The following MTHFD1 variants were observed in gnomAD, a reference collection of about 807,000 sequenced individuals.
The protein encoded by MTHFD1 is methylenetetrahydrofolate dehydrogenase, cyclohydrolase and formyltetrahydrofolate synthetase 1, also known as C-1-tetrahydrofolate synthase, cytoplasmic.
Under a neutral mutation model 110.3 loss-of-function variants are expected in MTHFD1, and 44 were observed. The observed-to-expected ratio is 0.40, with a 90% CI of 0.31 to 0.51. The LOEUF (loss-of-function observed/expected upper bound fraction) is 0.51, where lower values mean the gene tolerates loss of function less well. MTHFD1 is among the 20% of genes least tolerant of loss of function. MTHFD1 has a pLI of 0.60. For synonymous variants in MTHFD1, 402 were observed against 428.8 expected, an observed-to-expected ratio of 0.94 and a Z score of 0.77; for missense variants, 909 against 1,173.1, an observed-to-expected ratio of 0.77 and a Z score of 3.29.
At chr14:64,400,659 A>T (rs1171141281) in intron 1 of MTHFD1, 134 bp from the exon 2 acceptor site, 1 of 695,392 alleles carries the variant, frequency 1.4e-6, no homozygotes, top group Non-Finnish European at 2.6e-6. Context: ...CTGTACTCCC[A>T]GCCTGGGTGA....
intron 23 of MTHFD1, 151 bp downstream of exon 23, chr14:64,448,468 G>A (rs530149745): frequency 1.1e-4 from 74 of 697,064 alleles, no homozygotes; most frequent in African/African-American, 8.8e-4. Context: ...CATTGCATAC[G>A]TCACTGCGGG....
Position 64,424,865 on chromosome 14 carries a change from G to A in MTHFD1, c.789G>A (p.Glu263=). ...ATGTGGCATACGACGAGGCCAAAGA[G>A]AGGGCGAGCTTCATCACTCCTGTTC... ...VGDVAYDEAK[E]RASFITPVPG... is the part of the protein sequence containing the mutation. Residue 263 remains glutamate, a synonymous_variant, in exon 9 of 28, where the codon GAG becomes GAA. Transcript: ENST00000652337. The A allele has an allele frequency of 6.2e-7, 1 of 1,614,248 alleles. No homozygotes were observed. The highest frequency in any genetic ancestry group is 8.5e-7 in the Non-Finnish European group (1 of 1,180,052).
chr14:64,396,558 A>ATTT (rs71123843), intron 1 of MTHFD1, among the ~76,000 whole-genome samples: 6 of 126,802 alleles, frequency 4.7e-5, no homozygotes, highest in Non-Finnish European at 8.3e-5. Context: ...CTCCCAGTTA[A>ATTT]TTTTTTTTTT....
At chr14:64,459,555 A>G (rs1362171681) in intron 27 of MTHFD1, among the ~76,000 whole-genome samples, 1 of 152,214 alleles carries the variant, frequency 6.6e-6, no homozygotes, top group African/African-American at 2.4e-5. Context: ...CTGGTCTTGA[A>G]CAGTATTCAC....
chr14:64,444,205 T>A (rs537742969), intron 21 of MTHFD1, among the ~76,000 whole-genome samples: 32 of 152,258 alleles, frequency 2.1e-4, no homozygotes, highest in Non-Finnish European at 4.0e-4. Flanking sequence ...TTTTCCCTCT[T>A]GTTTGTATTG....
At chr14:64,420,077 G>C (rs762517156) in intron 8 of MTHFD1, 152 bp downstream of exon 8, 4 of 714,726 alleles carry the variant, frequency 5.6e-6, no homozygotes, top group Non-Finnish European at 1.0e-5. Context: ...AGAGTTAGTA[G>C]ATAGAAGAGT....
chr14:64,429,261 A>AACATATATATATGTATATATATATATAT lies in MTHFD1; in HGVS notation c.1265-922_1265-921insCATATATATATGTATATATATATATATA, dbSNP rs11158541. On this transcript the variant is annotated intron_variant, in intron 12 of 27. Transcript: ENST00000652337. Reference sequence around the variant, plus strand: ...GACAGTATGAGACTCTGTCTAAAAAAATATATATCTGATTTACATTTATTG... The same window carrying AACATATATATATGTATATATATATATAT: ...GACAGTATGAGACTCTGTCTAAAAAAACATATATATATGTATATATATATATATATATATATCTGATTTACATTTATTG... Among the ~76,000 whole-genome samples the AACATATATATATGTATATATATATATAT allele has an allele frequency of 1.8e-4, 20 of 108,216 alleles. 3 individuals carry two copies. Among genetic ancestry groups the AACATATATATATGTATATATATATATAT allele is most frequent in the South Asian group, 2.8e-4 (1 of 3,538 alleles). 71.0% of individuals were successfully genotyped at this position (108,216 alleles called of 152,430 possible).
intron 25 of MTHFD1, among the ~76,000 whole-genome samples, chr14:64,454,186 C>T (rs2078425714): frequency 6.6e-6 from 1 of 152,230 alleles, no homozygotes; most frequent in Non-Finnish European, 1.5e-5. Flanking sequence ...AATTTCAGCT[C>T]ACTGCAGCCT....
chr14:64,420,477 C>A (rs551181086), intron 8 of MTHFD1, among the ~76,000 whole-genome samples: 2 of 152,288 alleles, frequency 1.3e-5, no homozygotes, highest in African/African-American at 4.8e-5. Context: ...CACCATTCTT[C>A]CTTCCCGCAA....
At chr14:64,457,028 CG>C (rs2140991976) in intron 26 of MTHFD1, among the ~76,000 whole-genome samples, 1 of 152,184 alleles carries the variant, frequency 6.6e-6, no homozygotes, top group East Asian at 1.9e-4. Context: ...TTGTCAAAGC[CG>C]AGTCTTTAGA....
chr14:64,413,413 G>GT (rs2078000771), intron 4 of MTHFD1, among the ~76,000 whole-genome samples: 1 of 152,118 alleles, frequency 6.6e-6, no homozygotes, highest in Non-Finnish European at 1.5e-5. Context: ...AACCAAATAT[G>GT]TATTCCTTTT....
rs1457535118 is a variant in MTHFD1, at chr14:64,417,469, T to C, written c.479-419T>C. On this transcript the variant is annotated intron_variant, in intron 6 of 27. Transcript: ENST00000652337. This position sits in a 1 kb window ranked among gnomAD's most constrained non-coding sequence, Gnocchi z 4.4. Reference sequence around the variant, plus strand: ...TACCAAAGTTAGAAGGAATTACCGATACTAATCTAATTTCTTACACATCTC... The same window carrying C: ...TACCAAAGTTAGAAGGAATTACCGACACTAATCTAATTTCTTACACATCTC... Among the ~76,000 whole-genome samples the C allele has an allele frequency of 6.6e-6, 1 of 152,262 alleles. No homozygotes were observed. Among genetic ancestry groups the C allele is most frequent in the Non-Finnish European group, 1.5e-5 (1 of 68,046 alleles).
chr14:64,442,218 A>G, intron 20 of MTHFD1, 45 bp from the exon 21 acceptor site: 1 of 1,614,158 alleles, frequency 6.2e-7, no homozygotes, highest in South Asian at 1.1e-5. Flanking sequence ...TTTTAACATC[A>G]GGGGAATTGG....
chr14:64,410,407 T>TGG (rs34498014), intron 2 of MTHFD1, among the ~76,000 whole-genome samples: 357 of 148,820 alleles, frequency 2.4e-3, no homozygotes, highest in African/African-American at 4.2e-3. Context: ...TTTGTAAAGA[T>TGG]GGGGGGGGGG....
At chr14:64,436,571 C>G (rs1411377043) in intron 16 of MTHFD1, among the ~76,000 whole-genome samples, 1 of 152,202 alleles carries the variant, frequency 6.6e-6, no homozygotes, top group East Asian at 1.9e-4. Flanking sequence ...ACAATGCAAC[C>G]TTCTATTCTG....
intron 1 of MTHFD1, 144 bp from the exon 2 acceptor site, chr14:64,400,649 C>G: frequency 1.5e-6 from 1 of 675,356 alleles, no homozygotes; most frequent in South Asian, 1.5e-5. Flanking sequence ...GATTGTGCCA[C>G]TGTACTCCCA....
intron 24 of MTHFD1, among the ~76,000 whole-genome samples, chr14:64,451,281 C>G (rs1037482637): frequency 1.3e-5 from 2 of 152,140 alleles, no homozygotes; most frequent in African/African-American, 2.4e-5. Context: ...CTCAGCCTCC[C>G]AAAGTGCTGG....
Position 64,442,317 on chromosome 14 carries a change from A to G in MTHFD1, c.2051A>G (p.Lys684Arg). 6.2e-7 allele frequency: 1 copy of G among 1,614,250 alleles called. No individual in the cohort carries two copies. Among genetic ancestry groups the G allele is most frequent in the Non-Finnish European group, 8.5e-7 (1 of 1,180,038 alleles). ...GGAATGGAAAAGTTTTTTAACATCA[A>G]ATGCCGGTATTCCGGCCTCTGCCCC... ...DIGMEKFFNI[K>R]CRYSGLCPHV... The change falls in exon 21 of 28, where the codon AAA becomes AGA. Residue 684 changes from lysine to arginine, a missense_variant. Coordinates refer to ENST00000652337, the MANE Select transcript of MTHFD1 (RefSeq NM_005956.4).
chr14:64,442,201 ATGTT>A (rs2078254815), intron 20 of MTHFD1, 36 bp downstream of exon 20: 1 of 1,613,862 alleles, frequency 6.2e-7, no homozygotes, highest in African/African-American at 1.3e-5. Flanking sequence ...AATAGACTGT[ATGTT>A]TCTTTTAACA....
Sources: gnomAD v4.1 joint callset for allele counts (sites outside exome capture counted in the v4.1 genomes callset) on GRCh38, gnomAD v4.1.1 for gene constraint, Gnocchi (gnomAD v3.1) non-coding constraint, MANE v1.5 for transcripts, NCBI Gene and HGNC (gene_info 2026-07-23, HGNC 2026-07-21) for gene names.